SLC67A2: variants seen among roughly 807,000 people sequenced by gnomAD.
SLC67A2 encodes solute carrier family 67 member 2.
the SLC67A2 span, chr2:102,718,382 C>A: frequency 6.2e-7 from 1 of 1,605,772 alleles, no homozygotes; most frequent in Non-Finnish European, 8.5e-7. Flanking sequence ...CTCATTCAAC[C>A]ATCTCAAATT....
the SLC67A2 span, among the ~76,000 whole-genome samples, chr2:102,734,893 G>C: frequency 7.9e-5 from 12 of 152,304 alleles, no homozygotes; most frequent in African/African-American, 2.9e-4. Context: ...GAATTGCTTT[G>C]TTTTATTCTA....
chr2:102,728,807 G>C, the SLC67A2 span, among the ~76,000 whole-genome samples: 1 of 152,028 alleles, frequency 6.6e-6, no homozygotes. Context: ...TGTAAAACAA[G>C]AATAATATCT....
chr2:102,728,475 C>T, the SLC67A2 span, among the ~76,000 whole-genome samples: 2 of 152,194 alleles, frequency 1.3e-5, no homozygotes, highest in African/African-American at 4.8e-5. Context: ...CTTAAGGGGC[C>T]GAAAGATCCC....
the SLC67A2 span, chr2:102,723,764 A>G: frequency 7.2e-4 from 1,157 of 1,614,192 alleles, 2 homozygotes; most frequent in Non-Finnish European, 9.5e-4. Context: ...CCTCTAATTC[A>G]GTGAGATAGC....
chr2:102,724,014 G>C, the SLC67A2 span: 1 of 985,230 alleles, frequency 1.0e-6, no homozygotes, highest in South Asian at 1.4e-5. Context: ...CTGATCTCTG[G>C]TTTCTTTGGA....
chr2:102,728,499 G>GTA, the SLC67A2 span, among the ~76,000 whole-genome samples: 1 of 152,158 alleles, frequency 6.6e-6, no homozygotes, highest in Non-Finnish European at 1.5e-5. Context: ...ACATAATGAT[G>GTA]TAAACTTCCT....
chr2:102,716,433 C>T, the SLC67A2 span: 1 of 152,116 alleles, frequency 6.6e-6, no homozygotes, highest in African/African-American at 2.4e-5. Flanking sequence ...TTAATTTGCT[C>T]CTTAAGGGCA....
chr2:102,724,810 C>T, the SLC67A2 span, among the ~76,000 whole-genome samples: 2 of 152,200 alleles, frequency 1.3e-5, no homozygotes, highest in African/African-American at 2.4e-5. Context: ...CTAATCTATT[C>T]CCAGCTCTGC....
At chr2:102,722,951 AAAAAAC>A in the SLC67A2 span, among the ~76,000 whole-genome samples, 262 of 152,324 alleles carry the variant, frequency 1.7e-3, 4 homozygotes, top group African/African-American at 6.1e-3. Flanking sequence ...TCAACAGCAA[AAAAAAC>A]AAAAACAAAA....
the SLC67A2 span, chr2:102,726,984 G>C: frequency 2.5e-6 from 4 of 1,610,994 alleles, no homozygotes; most frequent in Non-Finnish European, 3.4e-6. Flanking sequence ...CCTGAGGAAA[G>C]TAAGAAAAAG....
the SLC67A2 span, among the ~76,000 whole-genome samples, chr2:102,719,822 C>T: frequency 6.6e-6 from 1 of 152,208 alleles, no homozygotes; most frequent in East Asian, 1.9e-4. Flanking sequence ...GACCGATGGG[C>T]AGGGACAGCT....
At chr2:102,721,147 A>G in the SLC67A2 span, among the ~76,000 whole-genome samples, 1 of 152,262 alleles carries the variant, frequency 6.6e-6, no homozygotes, top group Admixed American at 6.5e-5. Flanking sequence ...AGATAGGGCA[A>G]CATATTAAAT....
the SLC67A2 span, among the ~76,000 whole-genome samples, chr2:102,722,388 T>A: frequency 1.3e-5 from 2 of 152,218 alleles, no homozygotes; most frequent in African/African-American, 4.8e-5. Context: ...GGTCTGCCCA[T>A]CACCTACCAC....
chr2:102,723,651 T>C, the SLC67A2 span: 5 of 1,531,234 alleles, frequency 3.3e-6, no homozygotes, highest in African/African-American at 1.4e-5. Flanking sequence ...AGTAGGTAAA[T>C]TGGTCAGTAT....
the SLC67A2 span, among the ~76,000 whole-genome samples, chr2:102,725,989 C>T: frequency 1.1e-4 from 16 of 152,114 alleles, no homozygotes; most frequent in Admixed American, 5.2e-4. Flanking sequence ...TTCCTAAGAA[C>T]GGCAAAGAGA....
chr2:102,725,693 G>A, the SLC67A2 span, among the ~76,000 whole-genome samples: 2 of 91,354 alleles, frequency 2.2e-5, no homozygotes, highest in African/African-American at 8.2e-5. Context: ...CAACAAAAAG[G>A]CATGGTTAAG....
At chr2:102,728,558 A>G in the SLC67A2 span, among the ~76,000 whole-genome samples, 3 of 152,158 alleles carry the variant, frequency 2.0e-5, no homozygotes, top group Admixed American at 6.5e-5. Context: ...TCATCCTTCT[A>G]TAGGTGTCTT....
At chr2:102,735,292 C>G in the SLC67A2 span, among the ~76,000 whole-genome samples, 8 of 152,198 alleles carry the variant, frequency 5.3e-5, no homozygotes, top group African/African-American at 2.4e-5. Flanking sequence ...CCCTGAAGAC[C>G]TTGTGTTTCT....
At chr2:102,726,189 C>T in the SLC67A2 span, among the ~76,000 whole-genome samples, 1 of 152,194 alleles carries the variant, frequency 6.6e-6, no homozygotes, top group Non-Finnish European at 1.5e-5. Flanking sequence ...AACTGACAGT[C>T]AGACAAAAGG....
Sources: gnomAD v4.1 joint callset for allele counts (sites outside exome capture counted in the v4.1 genomes callset) on GRCh38, gnomAD v4.1.1 for gene constraint, MANE v1.5 for transcripts, NCBI Gene and HGNC (gene_info 2026-07-23, HGNC 2026-07-21) for gene names.